USP9X: variants seen among roughly 807,000 people sequenced by gnomAD.
The protein encoded by USP9X is ubiquitin specific peptidase 9 X-linked, also known as ubiquitin carboxyl-terminal hydrolase 9X.
Under a neutral mutation model 190.3 loss-of-function variants are expected in USP9X, and 7 were observed. That is an observed-to-expected ratio of 0.04 (90% CI 0.02 to 0.07). The LOEUF is 0.07. USP9X is among the 10% of genes least tolerant of loss of function. The pLI, the probability that USP9X is intolerant of heterozygous loss-of-function variation, is 1.00. For synonymous variants in USP9X, 645 were observed against 659.5 expected, an observed-to-expected ratio of 0.98 and a Z score of 0.34; for missense variants, 1,010 against 1,916.9, an observed-to-expected ratio of 0.53 and a Z score of 8.83.
At chrX:41,213,145 T>C (rs1465582130) in intron 33 of USP9X, among the ~76,000 whole-genome samples, 1 of 111,219 alleles carries the variant, frequency 9.0e-6, no homozygotes, top group Non-Finnish European at 1.9e-5. Flanking sequence ...CTTATTTTTT[T>C]AACTAGCTGG....
At chrX:41,125,006 A>C (rs994774918) in intron 2 of USP9X, among the ~76,000 whole-genome samples, 1 of 111,912 alleles carries the variant, frequency 8.9e-6, no homozygotes, top group Non-Finnish European at 1.9e-5. Context: ...TTCTTCATTA[A>C]TTGTTTGGAA....
intron 14 of USP9X, among the ~76,000 whole-genome samples, chrX:41,159,895 G>A (rs2062613905): frequency 9.0e-6 from 1 of 110,851 alleles, no homozygotes; most frequent in East Asian, 2.8e-4. Context: ...GTTTGTACAG[G>A]GTTTCTTCTT....
intron 23 of USP9X, among the ~76,000 whole-genome samples, chrX:41,185,991 C>T (rs1168034564): frequency 9.0e-6 from 1 of 111,433 alleles, no homozygotes; most frequent in African/African-American, 3.3e-5. Flanking sequence ...AATTACCTCG[C>T]TAACAACTAC....
Position 41,224,745 on chromosome X carries a change from ATCC to A in USP9X, c.6761_6763del (p.Pro2254del). 1 of 1,206,125 alleles carries A rather than the reference ATCC, an allele frequency of 8.3e-7. No homozygotes were observed. The highest frequency in any genetic ancestry group is 3.0e-5 in the East Asian group (1 of 33,835). ...TGGTGACAAATCTGTATTCTAGGTA[ATCC>A]TCCTCTTCCCAATCCTTTTGGTGAT... On this transcript the variant is annotated inframe_deletion, in exon 40 of 45. Transcript: ENST00000378308.
Position 41,172,083 on chromosome X carries a change from C to G in USP9X, c.3148+125C>G. 9 of 757,929 alleles carry G rather than the reference C, an allele frequency of 1.2e-5. No homozygotes were observed. In the South Asian group the frequency reaches 4.1e-4, roughly 34 times the overall value. 62.5% of individuals were successfully genotyped at this position (757,929 alleles called of 1,213,427 possible). A position where few individuals can be genotyped will look rare whatever the true frequency, so the allele number is the denominator to read the frequency against. On this transcript the variant is annotated intron_variant, in intron 21 of 44. Coordinates refer to ENST00000378308, the MANE Select transcript of USP9X (RefSeq NM_001039591.3). ...TAACAAGAGTTGACAGATGACAGCC[C>G]ACAAGCCACATCAAGCCCCCTGCTT...
intron 2 of USP9X, among the ~76,000 whole-genome samples, chrX:41,125,684 A>ACCCTCTCTCTCTCT: frequency 5.3e-5 from 1 of 19,027 alleles, no homozygotes; most frequent in African/African-American, 2.2e-4. Flanking sequence ...ACACACACAC[A>ACCCTCTCTCTCTCT]CTCTCTCTCT....
At chrX:41,224,717 T>C in intron 39 of USP9X, 25 bp from the exon 40 acceptor site, 1 of 1,137,163 alleles carries the variant, frequency 8.8e-7, no homozygotes, top group Non-Finnish European at 1.2e-6. Context: ...ATTAGTTTTT[T>C]ATTGGTGACA....
chrX:41,190,438 C>G (rs2062922415), intron 26 of USP9X, among the ~76,000 whole-genome samples: 1 of 110,872 alleles, frequency 9.0e-6, no homozygotes, highest in Admixed American at 9.6e-5. Context: ...CCAGCCTATT[C>G]AGAAACTCTT....
chrX:41,127,271 TA>T (rs1227377955), intron 2 of USP9X, among the ~76,000 whole-genome samples: 1 of 111,886 alleles, frequency 8.9e-6, no homozygotes, highest in African/African-American at 3.2e-5. Context: ...TGGCCATTAA[TA>T]TTTTTTTAAG....
chrX:41,202,908 G>C (rs1283345223), intron 31 of USP9X, among the ~76,000 whole-genome samples: 2 of 111,660 alleles, frequency 1.8e-5, no homozygotes, highest in Non-Finnish European at 3.8e-5. Flanking sequence ...TGTTGTCTCT[G>C]CACCCCAGTG....
chrX:41,201,891 A>C (rs1182917797), intron 31 of USP9X, among the ~76,000 whole-genome samples: 1 of 111,452 alleles, frequency 9.0e-6, no homozygotes, highest in Non-Finnish European at 1.9e-5. Flanking sequence ...GAATCACTTG[A>C]ACCCGGAAGG....
At chrX:41,153,664 G>T (rs1174735905) in intron 14 of USP9X, among the ~76,000 whole-genome samples, 1 of 112,158 alleles carries the variant, frequency 8.9e-6, no homozygotes, top group East Asian at 2.8e-4. Context: ...CCCTGTGTCA[G>T]TGCTCTTTTG....
intron 1 of USP9X, among the ~76,000 whole-genome samples, chrX:41,113,089 A>G (rs1047018134): frequency 8.9e-6 from 1 of 112,523 alleles, no homozygotes; most frequent in African/African-American, 3.2e-5. Flanking sequence ...TTTCTTCTAG[A>G]CAACAATGCA....
chrX:41,158,706 G>A (rs764366683), intron 14 of USP9X, among the ~76,000 whole-genome samples: 10 of 111,176 alleles, frequency 9.0e-5, no homozygotes, highest in African/African-American at 3.3e-4. Flanking sequence ...GACTGGTTTT[G>A]TGGAAGACAG....
chrX:41,167,396 A>G, intron 16 of USP9X, 86 bp from the exon 17 acceptor site: 1 of 711,505 alleles, frequency 1.4e-6, no homozygotes. Context: ...AGTGTGTTTA[A>G]GATAACTGAG....
chrX:41,087,368 A>G (rs1271388753), intron 1 of USP9X, among the ~76,000 whole-genome samples: 1 of 112,024 alleles, frequency 8.9e-6, no homozygotes. Context: ...TTAGGTAAGG[A>G]CTCCTTAACC....
chrX:41,171,861 C>T lies in USP9X; in HGVS notation c.3051C>T (p.Tyr1017=), dbSNP rs1227289123. 8.3e-7 allele frequency: 1 copy of T among 1,210,116 alleles called. No individual in the cohort carries two copies. Among genetic ancestry groups the T allele is most frequent in the Admixed American group, 2.2e-5 (1 of 46,004 alleles). Residue 1017 remains tyrosine, a synonymous_variant, in exon 21 of 45, where the codon TAC becomes TAT. Coordinates refer to ENST00000378308, the MANE Select transcript of USP9X (RefSeq NM_001039591.3). ...AGATAATGTCACTGCATCCCAGATA[C>T]ATCTCTTTTCTTTGGCAAGTTGCAG... is the stretch of plus-strand genomic sequence containing the variant. ...PGVIMSLHPR[Y]ISFLWQVADL...
At chrX:41,098,627 CTAACTGCAACG>C (rs1170188366) in intron 1 of USP9X, among the ~76,000 whole-genome samples, 1 of 108,657 alleles carries the variant, frequency 9.2e-6, no homozygotes, top group African/African-American at 3.4e-5. Context: ...GCGAGCTTGG[CTAACTGCAACG>C]TCCGCCTCCC....
chrX:41,196,229 T>C (rs1314595110), intron 26 of USP9X, 22 bp from the exon 27 acceptor site: 7 of 1,198,752 alleles, frequency 5.8e-6, no homozygotes, highest in Non-Finnish European at 7.9e-6. Context: ...ATGTATTAAA[T>C]GTGAAACATT....
Sources: gnomAD v4.1 joint callset for allele counts (sites outside exome capture counted in the v4.1 genomes callset) on GRCh38, gnomAD v4.1.1 for gene constraint, MANE v1.5 for transcripts, NCBI Gene and HGNC (gene_info 2026-07-23, HGNC 2026-07-21) for gene names.